The following TENM4 variants were observed in gnomAD, a reference collection of about 807,000 sequenced individuals.
The protein encoded by TENM4 is teneurin-4.
Under a neutral mutation model 243.3 loss-of-function variants are expected in TENM4, and 82 were observed. The observed-to-expected ratio is 0.34, with a 90% CI of 0.28 to 0.40. The LOEUF (loss-of-function observed/expected upper bound fraction) is 0.40. Ranked by LOEUF, TENM4 falls within the 10% of genes least tolerant of loss-of-function variation. TENM4 has a pLI of 1.00. For synonymous variants in TENM4, 1,412 were observed against 1,456.3 expected (o/e 0.97, Z 0.69); for missense variants, 3,138 against 3,673.3 (o/e 0.85, Z 3.77).
At chr11:79,192,843 G>A (rs925698198) in intron 3 of TENM4, among the ~76,000 whole-genome samples, 5 of 152,146 alleles carry the variant, frequency 3.3e-5, no homozygotes, top group Non-Finnish European at 5.9e-5. Flanking sequence ...TAACCTAGAC[G>A]ATATGATTAT....
At chr11:78,842,902 G>T (rs1223815905) in intron 12 of TENM4, among the ~76,000 whole-genome samples, 2 of 152,236 alleles carry the variant, frequency 1.3e-5, no homozygotes, top group African/African-American at 4.8e-5. Context: ...GGCCAGGTGT[G>T]ATGGCTCATG....
At chr11:78,882,617 A>C (rs1855456178) in intron 9 of TENM4, among the ~76,000 whole-genome samples, 1 of 152,210 alleles carries the variant, frequency 6.6e-6, no homozygotes, top group African/African-American at 2.4e-5. Flanking sequence ...GTATGATGAA[A>C]TGTCAGAGAT....
chr11:79,342,598 G>T (rs1466883741), intron 1 of TENM4, among the ~76,000 whole-genome samples: 1 of 152,204 alleles, frequency 6.6e-6, no homozygotes, highest in Non-Finnish European at 1.5e-5. Context: ...CTCAGTCCTG[G>T]CTGCACAGAG....
chr11:79,265,698 T>C (rs1440789209), intron 2 of TENM4, among the ~76,000 whole-genome samples: 1 of 152,154 alleles, frequency 6.6e-6, no homozygotes, highest in Non-Finnish European at 1.5e-5. Context: ...ATTTCTCTCC[T>C]ATCAATAAAC....
At chr11:79,007,610 C>T (rs1858525730) in intron 6 of TENM4, among the ~76,000 whole-genome samples, 2 of 152,288 alleles carry the variant, frequency 1.3e-5, no homozygotes, top group South Asian at 4.2e-4. Flanking sequence ...AGGCAGGCTC[C>T]TTCCAGAGGG....
chr11:79,180,909 A>G (rs1295457081), intron 3 of TENM4, among the ~76,000 whole-genome samples: 1 of 147,666 alleles, frequency 6.8e-6, no homozygotes, highest in Non-Finnish European at 1.5e-5. Context: ...GTATGTGTAT[A>G]TATGTATATA....
At chr11:79,189,484 G>A (rs958116777) in intron 3 of TENM4, among the ~76,000 whole-genome samples, 5 of 152,212 alleles carry the variant, frequency 3.3e-5, no homozygotes, top group African/African-American at 9.7e-5. Flanking sequence ...TTAGCACCAT[G>A]TCAGCATACA....
chr11:78,724,176 C>T (rs1855463123), intron 23 of TENM4, among the ~76,000 whole-genome samples: 1 of 152,048 alleles, frequency 6.6e-6, no homozygotes, highest in Admixed American at 6.6e-5. Context: ...CCTTGAACTC[C>T]TGAGCTCAAG....
At chr11:79,390,413 C>T (rs541282345) in intron 1 of TENM4, among the ~76,000 whole-genome samples, 21 of 152,350 alleles carry the variant, frequency 1.4e-4, no homozygotes, top group Middle Eastern at 3.4e-3. Flanking sequence ...AGTTCCCTTC[C>T]TGGCACCTCT....
chr11:79,218,321 A>G (rs1339483058), intron 2 of TENM4, among the ~76,000 whole-genome samples: 2 of 145,892 alleles, frequency 1.4e-5, no homozygotes, highest in Non-Finnish European at 1.5e-5. Flanking sequence ...GCAAGGGAAA[A>G]GGTACTTTCT....
At chr11:79,064,509 C>T (rs1309242256) in intron 6 of TENM4, 7 of 573,650 alleles carry the variant, frequency 1.2e-5, no homozygotes, top group Admixed American at 6.3e-5. Flanking sequence ...GAGACTTAGG[C>T]GCCTCCCTAA....
intron 1 of TENM4, among the ~76,000 whole-genome samples, chr11:79,386,224 T>C (rs778789129): frequency 2.0e-5 from 3 of 152,102 alleles, no homozygotes; most frequent in Non-Finnish European, 4.4e-5. Context: ...TGCAAAACAA[T>C]GAACCTTGAT....
At chr11:78,939,059 T>C (rs1389449885) in intron 6 of TENM4, among the ~76,000 whole-genome samples, 2 of 152,204 alleles carry the variant, frequency 1.3e-5, no homozygotes, top group Non-Finnish European at 2.9e-5. Context: ...TCTGGGGGCT[T>C]GATTCCACAC....
At chr11:79,376,916 C>T (rs1448690119) in intron 1 of TENM4, among the ~76,000 whole-genome samples, 2 of 152,186 alleles carry the variant, frequency 1.3e-5, no homozygotes, top group African/African-American at 4.8e-5. Flanking sequence ...CAGGTACTAT[C>T]CCTCGGAACA....
At chr11:79,187,977 T>A (rs1017998616) in intron 3 of TENM4, among the ~76,000 whole-genome samples, 2 of 152,198 alleles carry the variant, frequency 1.3e-5, no homozygotes, top group African/African-American at 2.4e-5. Context: ...TATATATAAT[T>A]CTACTCATCT....
At chr11:78,661,345 A>G in intron 33 of TENM4, 104 bp downstream of exon 33, 3 of 1,439,966 alleles carry the variant, frequency 2.1e-6, no homozygotes, top group Non-Finnish European at 1.9e-6. Context: ...TGGAGGCACC[A>G]CATTGGTGTC....
intron 4 of TENM4, among the ~76,000 whole-genome samples, chr11:79,103,194 C>T (rs550419151): frequency 6.6e-6 from 1 of 152,294 alleles, no homozygotes; most frequent in African/African-American, 2.4e-5. Flanking sequence ...AGGCTCTCCC[C>T]ACAATCCAAG....
At chr11:79,350,076 C>T (rs1857389650) in intron 1 of TENM4, among the ~76,000 whole-genome samples, 2 of 152,150 alleles carry the variant, frequency 1.3e-5, no homozygotes, top group Non-Finnish European at 2.9e-5. Context: ...CAGACATAGT[C>T]CCTGCCCTCA....
chr11:78,918,599 G>T (rs571992191), intron 6 of TENM4, among the ~76,000 whole-genome samples: 6 of 152,142 alleles, frequency 3.9e-5, no homozygotes. Flanking sequence ...ACAGCCCAGG[G>T]CATCCTGAAG....
Sources: allele counts gnomAD v4.1 joint callset (sites outside exome capture counted in the v4.1 genomes callset), GRCh38; gene constraint gnomAD v4.1.1; transcripts MANE v1.5; gene names NCBI Gene and HGNC (gene_info 2026-07-23, HGNC 2026-07-21).